NPHP1: variants seen among roughly 807,000 people sequenced by gnomAD.
NPHP1 encodes the protein nephrocystin 1.
In NPHP1, 70 loss-of-function variants were observed where a neutral mutation model predicts 90.4. The observed-to-expected ratio is 0.77, with a 90% CI of 0.64 to 0.95. The LOEUF is 0.95. Ranked by LOEUF, NPHP1 falls within the 40% of genes least tolerant of loss-of-function variation. The probability of loss-of-function intolerance (pLI) is 0.00; values close to 1 mark genes in which losing one functional copy is unlikely to be tolerated. For synonymous variants in NPHP1, 256 were observed against 271.7 expected, an observed-to-expected ratio of 0.94 and a Z score of 0.57; for missense variants, 764 against 795.9, an observed-to-expected ratio of 0.96 and a Z score of 0.48.
At chr2:110,152,254 G>A (rs867575487) in intron 11 of NPHP1, among the ~76,000 whole-genome samples, 14 of 151,992 alleles carry the variant, frequency 9.2e-5, no homozygotes, top group South Asian at 2.1e-4. Context: ...AGGAGTTCGG[G>A]ACCAGCTTGG....
intron 17 of NPHP1, 121 bp downstream of exon 17, chr2:110,131,558 T>C (rs1242782464): frequency 2.8e-6 from 2 of 704,404 alleles, no homozygotes; most frequent in African/African-American, 1.8e-5. Context: ...ACATCAATGC[T>C]GTTCTAAATA....
intron 11 of NPHP1, among the ~76,000 whole-genome samples, chr2:110,153,603 T>A (rs1681650988): frequency 6.6e-6 from 1 of 152,158 alleles, no homozygotes; most frequent in Non-Finnish European, 1.5e-5. Context: ...TGTATAAACT[T>A]AATACCTAGA....
chr2:110,142,966 A>C (rs531042910), intron 16 of NPHP1, among the ~76,000 whole-genome samples: 1 of 152,304 alleles, frequency 6.6e-6, no homozygotes, highest in East Asian at 1.9e-4. Context: ...AAGTGAAAGA[A>C]GCCAGACTCA....
intron 2 of NPHP1, among the ~76,000 whole-genome samples, chr2:110,195,358 C>T (rs1384225888): frequency 6.6e-6 from 1 of 152,032 alleles, no homozygotes; most frequent in Admixed American, 6.6e-5. Flanking sequence ...TTCTTATATA[C>T]CAATAACAGA....
Position 110,156,207 on chromosome 2 carries a change from A to T in NPHP1, c.1083+3920T>A, listed in dbSNP as rs561575073. 2.6e-5 allele frequency among the ~76,000 whole-genome samples: 4 copies of T among 151,854 alleles called. No homozygotes were observed. In the South Asian group the frequency reaches 8.3e-4, roughly 32 times the overall value. On this transcript the variant is annotated intron_variant, in intron 11 of 19. Coordinates refer to ENST00000445609, the MANE Select transcript of NPHP1 (RefSeq NM_001128178.3). ...ATTCTCCTGCCTCAGCCTCCTGAGT[A>T]GCTGGGATTACAGGCACATGCCACC...
chr2:110,131,197 C>T (rs1422029320), intron 17 of NPHP1, among the ~76,000 whole-genome samples: 6 of 152,082 alleles, frequency 3.9e-5, no homozygotes, highest in East Asian at 1.9e-4. Context: ...AAATTTCAAA[C>T]GTACAAAAAA....
intron 10 of NPHP1, 60 bp downstream of exon 10, chr2:110,161,543 A>G: frequency 1.8e-6 from 2 of 1,085,410 alleles, no homozygotes; most frequent in East Asian, 4.8e-5. Context: ...TTGTTTGTCT[A>G]ATTGCAACTA....
At chr2:110,155,270 T>A (rs1225038390) in intron 11 of NPHP1, among the ~76,000 whole-genome samples, 1 of 152,176 alleles carries the variant, frequency 6.6e-6, no homozygotes, top group Non-Finnish European at 1.5e-5. Flanking sequence ...ATGTATGATA[T>A]GTCTGAATGT....
In NPHP1 at chr2:110,136,288, C is replaced by T. The variant is rs539691233; in HGVS notation, c.1530-4497G>A. 2.0e-5 allele frequency among the ~76,000 whole-genome samples: 3 copies of T among 152,262 alleles called. No homozygotes were observed. The South Asian group carries it at 6.2e-4, about 32-fold the overall frequency. On this transcript the variant is annotated intron_variant, in intron 16 of 19. Coordinates refer to ENST00000445609, the MANE Select transcript of NPHP1 (RefSeq NM_001128178.3). ...AAGACAGGGATGTCCTCTCTCACCA[C>T]TCCTATTCAACATAGTGTTGGAAGT...
intron 18 of NPHP1, chr2:110,127,063 T>G (rs1679421514): frequency 6.6e-6 from 1 of 152,244 alleles, no homozygotes; most frequent in South Asian, 2.1e-4. Flanking sequence ...TGAAGTTAAA[T>G]GGACCGTGTG....
chr2:110,180,056 A>G (rs79398758), intron 2 of NPHP1, among the ~76,000 whole-genome samples: 2 of 152,190 alleles, frequency 1.3e-5, no homozygotes. Flanking sequence ...TGTGCCAACC[A>G]TGTTAAGCAG....
intron 2 of NPHP1, among the ~76,000 whole-genome samples, chr2:110,194,203 T>G (rs1242054536): frequency 3.9e-5 from 6 of 151,990 alleles, no homozygotes; most frequent in Non-Finnish European, 8.8e-5. Context: ...CTTCAAAAAA[T>G]TAATGAATCC....
intron 6 of NPHP1, among the ~76,000 whole-genome samples, chr2:110,167,082 C>T (rs1157885722): frequency 6.6e-6 from 1 of 151,920 alleles, no homozygotes; most frequent in Non-Finnish European, 1.5e-5. Context: ...AAAAATAATT[C>T]TACCTGTTTC....
Position 110,144,477 on chromosome 2 carries a change from C to T in NPHP1, c.1429+16G>A. On this transcript the variant is annotated intron_variant, in intron 15 of 19. Transcript: ENST00000445609. Reference sequence around the variant, plus strand: ...TTAATCTTTAAGGAAAGGAAGACAACACATGAGAGCCATACCTCTTCTGGA... The same window carrying T: ...TTAATCTTTAAGGAAAGGAAGACAATACATGAGAGCCATACCTCTTCTGGA... The T allele has an allele frequency of 1.3e-6, 2 of 1,535,418 alleles. No individual in the cohort carries two copies. Among genetic ancestry groups the T allele is most frequent in the Non-Finnish European group, 1.8e-6 (2 of 1,108,312 alleles).
intron 2 of NPHP1, among the ~76,000 whole-genome samples, chr2:110,188,365 CCAA>C: frequency 6.6e-6 from 1 of 152,176 alleles, no homozygotes; most frequent in Non-Finnish European, 1.5e-5. Context: ...TTCCTATATA[CCAA>C]CAACAGGCAG....
intron 16 of NPHP1, 22 bp from the exon 17 acceptor site, chr2:110,131,813 T>C: frequency 7.2e-7 from 1 of 1,379,500 alleles, no homozygotes; most frequent in Non-Finnish European, 1.0e-6. Context: ...GAAAAAAATG[T>C]ATTCATTAGA....
At chr2:110,152,775 C>T (rs182540642) in intron 11 of NPHP1, among the ~76,000 whole-genome samples, 2 of 151,892 alleles carry the variant, frequency 1.3e-5, no homozygotes, top group African/African-American at 2.4e-5. Context: ...CTAAACTCTA[C>T]GTCAAGATCT....
At chr2:110,140,277 C>T (rs1287653749) in intron 16 of NPHP1, among the ~76,000 whole-genome samples, 3 of 152,068 alleles carry the variant, frequency 2.0e-5, no homozygotes, top group Non-Finnish European at 4.4e-5. Context: ...GGAAGCTGAG[C>T]GGAAGTCCTG....
At chr2:110,133,655 TA>T (rs1679953624) in intron 16 of NPHP1, among the ~76,000 whole-genome samples, 1 of 152,156 alleles carries the variant, frequency 6.6e-6, no homozygotes, top group Non-Finnish European at 1.5e-5. Flanking sequence ...TTAATAAATT[TA>T]AAAATATTGA....
Sources: allele counts gnomAD v4.1 joint callset (sites outside exome capture counted in the v4.1 genomes callset), GRCh38; gene constraint gnomAD v4.1.1; transcripts MANE v1.5; gene names NCBI Gene and HGNC (gene_info 2026-07-23, HGNC 2026-07-21).